The following RNASET2 variants were observed in gnomAD, a reference collection of about 807,000 sequenced individuals.
RNASET2 encodes ribonuclease 6.
A neutral mutation model predicts 33.9 loss-of-function variants in RNASET2; 28 were observed. The observed-to-expected ratio is 0.83, with a 90% confidence interval of 0.61 to 1.13. The LOEUF (loss-of-function observed/expected upper bound fraction) is 1.13, where lower values mean the gene tolerates loss of function less well. RNASET2 is among the 50% of genes most tolerant of loss of function. The pLI is 0.00. For missense variants in RNASET2, 330 were observed against 319.9 expected (o/e 1.03, Z -0.24); for synonymous variants, 123 against 121.0 (o/e 1.02, Z -0.11).
In RNASET2 at chr6:166,950,689, G is replaced by A. The variant is rs556506245; in HGVS notation, c.147+1799C>T. Among the ~76,000 whole-genome samples, 204 of 152,336 alleles carry A rather than the reference G, an allele frequency of 1.3e-3. 3 individuals are homozygous for A. Among genetic ancestry groups the A allele is most frequent in the Non-Finnish European group, 1.9e-4 (13 of 68,042 alleles). ...GTGTCCTGGCTCTGGGTGCTCCAAT[G>A]AGAAGGGCCTGGACACTGACGCACT... is the stretch of plus-strand genomic sequence containing the variant. On this transcript the variant is annotated intron_variant, in intron 2 of 8. Transcript: ENST00000508775.
intron 4 of RNASET2, among the ~76,000 whole-genome samples, chr6:166,944,627 C>T (rs931167048): frequency 6.6e-6 from 1 of 152,076 alleles, no homozygotes; most frequent in Non-Finnish European, 1.5e-5. Context: ...ACAAGGAAGC[C>T]AGGACTACTC....
chr6:166,929,466 T>C lies in RNASET2; in HGVS notation c.*122A>G. The stretch of plus-strand genomic sequence containing the variant: ...ACTCTACAGGGACCACAACATCCAA[T>C]TCACAGGCATGGAGGGGAAACAGCA... On this transcript the variant is annotated 3_prime_UTR_variant, in exon 9 of 9. Coordinates refer to ENST00000508775, the MANE Select transcript of RNASET2 (RefSeq NM_003730.6). 1 of 1,034,926 alleles carries C rather than the reference T, an allele frequency of 9.7e-7. No individual in the cohort carries two copies. Among genetic ancestry groups the C allele is most frequent in the South Asian group, 1.3e-5 (1 of 75,178 alleles). The allele number at this position is 1,034,926 out of a possible 1,614,324, so 64.1% of individuals were successfully genotyped here.
intron 6 of RNASET2, among the ~76,000 whole-genome samples, chr6:166,936,295 A>G (rs979225480): frequency 6.6e-6 from 1 of 152,114 alleles, no homozygotes; most frequent in Non-Finnish European, 1.5e-5. Context: ...GCAGGGCAGC[A>G]CTGGGCTCTG....
At chr6:166,943,949 G>C (rs9457246) in intron 4 of RNASET2, 22 of 259,874 alleles carry the variant, frequency 8.5e-5, no homozygotes, top group Admixed American at 6.7e-4. Flanking sequence ...GTGAAACCCT[G>C]TCTCTACTAA....
intron 4 of RNASET2, among the ~76,000 whole-genome samples, chr6:166,944,349 C>T (rs1372489982): frequency 6.6e-6 from 1 of 152,076 alleles, no homozygotes; most frequent in East Asian, 1.9e-4. Flanking sequence ...CACTTTCCTT[C>T]CCTTTCTCCT....
rs910396649 is a variant in RNASET2 at position 166,924,157 on chromosome 6, T to C, written c.*5431A>G. 2.0e-5 allele frequency among the ~76,000 whole-genome samples: 3 copies of C among 152,118 alleles called. No individual in the cohort carries two copies. The highest frequency in any genetic ancestry group is 4.4e-5 in the Non-Finnish European group (3 of 68,018). ...TGTCATCCAGACTGGAGTGCAATGGTGTGATTTCGGCTCACTGCAACCTCT... is the reference window on the plus strand; with the variant it reads ...TGTCATCCAGACTGGAGTGCAATGGCGTGATTTCGGCTCACTGCAACCTCT... On this transcript the variant is annotated 3_prime_UTR_variant, in exon 9 of 9. Transcript: ENST00000508775.
intron 5 of RNASET2, among the ~76,000 whole-genome samples, chr6:166,940,963 G>A (rs1778679317): frequency 6.6e-6 from 1 of 152,156 alleles, no homozygotes; most frequent in South Asian, 2.1e-4. Context: ...CAGCAGTGCT[G>A]TGACACCTTC....
Position 166,949,758 on chromosome 6 carries a change from C to A in RNASET2, c.148-1133G>T, listed in dbSNP as rs893143495. On this transcript the variant is annotated intron_variant, in intron 2 of 8. Transcript: ENST00000508775. The stretch of plus-strand genomic sequence containing the variant: ...CCTTTCCTGGAGGCAATGCAGAGAG[C>A]AAAGCCTGCACCACACGGGGCTCTG... Among the ~76,000 whole-genome samples, 3 of 152,306 alleles carry A rather than the reference C, an allele frequency of 2.0e-5. No individual in the cohort carries two copies. In the South Asian group the frequency reaches 6.2e-4, roughly 32 times the overall value.
intron 2 of RNASET2, among the ~76,000 whole-genome samples, chr6:166,951,206 C>T (rs1332470387): frequency 6.6e-6 from 1 of 152,214 alleles, no homozygotes. Context: ...GCCATTATTT[C>T]TTCTATGCAT....
Position 166,934,384 on chromosome 6 carries a change from G to A in RNASET2, c.447-248C>T, listed in dbSNP as rs115770362. The stretch of plus-strand genomic sequence containing the variant: ...ACCCTTTCCAGTTCCTGACTCCTTC[G>A]GAGCATGGGAGCGCTGGGGCCACCA... On this transcript the variant is annotated intron_variant, in intron 6 of 8. Transcript: ENST00000508775. The A allele has an allele frequency of 9.7e-4, 486 of 499,142 alleles. 3 individuals are homozygous for A. The highest frequency in any genetic ancestry group is 8.3e-3 in the African/African-American group (430 of 51,642). 30.9% of individuals were successfully genotyped at this position (499,142 alleles called of 1,614,324 possible).
In RNASET2 at chr6:166,929,649, C is replaced by G. The variant is rs1340354301; in HGVS notation, c.710G>C (p.Gly237Ala). ...TGGGCCATCTTCACAGACTCTCAGA[C>G]CCCGGCTCTCGGCGGCCCCATTTGC... is the stretch of plus-strand genomic sequence containing the variant. ...WLANGAAESR[G>A]LRVCEDGPVF... Residue 237 changes from glycine to alanine, a missense_variant, in exon 9 of 9, where the codon GGT (glycine) becomes GCT (alanine). Coordinates refer to ENST00000508775, the MANE Select transcript of RNASET2 (RefSeq NM_003730.6). 4.3e-6 allele frequency: 7 copies of G among 1,614,122 alleles called. No homozygotes were observed. Among genetic ancestry groups the G allele is most frequent in the Non-Finnish European group, 5.1e-6 (6 of 1,180,014 alleles).
intron 2 of RNASET2, among the ~76,000 whole-genome samples, chr6:166,949,500 C>CAAAAAAAAA (rs61621125): frequency 4.2e-3 from 186 of 44,046 alleles, no homozygotes; most frequent in South Asian, 5.8e-3. Flanking sequence ...GACTCCATCT[C>CAAAAAAAAA]AAAAAAAAAA....
At chr6:166,935,977 C>T (rs942005900) in intron 6 of RNASET2, among the ~76,000 whole-genome samples, 1 of 152,036 alleles carries the variant, frequency 6.6e-6, no homozygotes, top group African/African-American at 2.4e-5. Flanking sequence ...CCAGCCTGTT[C>T]CAGTTTATGA....
chr6:166,948,348 A>G (rs1392133065), intron 3 of RNASET2: 9 of 213,148 alleles, frequency 4.2e-5, no homozygotes, highest in South Asian at 6.1e-5. Context: ...TCTGTCTCAG[A>G]AAAAAAAAAA....
intron 1 of RNASET2, among the ~76,000 whole-genome samples, chr6:166,954,006 G>A (rs545792609): frequency 1.2e-4 from 18 of 152,142 alleles, no homozygotes; most frequent in African/African-American, 4.3e-4. Context: ...CAACACCCAG[G>A]AAGATGAGAC....
chr6:166,948,512 T>C (rs777800072), intron 3 of RNASET2, 58 bp downstream of exon 3: 2 of 1,018,202 alleles, frequency 2.0e-6, no homozygotes, highest in East Asian at 2.4e-5. Flanking sequence ...ACATTCAAGC[T>C]AGGGTTCCCA....
Position 166,929,767 on chromosome 6 carries a change from G to C in RNASET2, c.592C>G (p.Gln198Glu). The change falls in exon 9 of 9, where the codon CAG (glutamine) becomes GAG (glutamate). Residue 198 changes from glutamine (Q) to glutamate (E), a missense_variant. Physicochemically the swap from Gln to Glu is conservative, Grantham distance 29. Coordinates refer to ENST00000508775, the MANE Select transcript of RNASET2 (RefSeq NM_003730.6). ...SQDEEVQTIG[Q>E]IELCLTKQDQ... Reference sequence around the variant, plus strand: ...TGCTTAGTGAGGCACAGTTCTATCTGACCAATTGTCTGTACTTCCTCATCC... The same window carrying C: ...TGCTTAGTGAGGCACAGTTCTATCTCACCAATTGTCTGTACTTCCTCATCC... 2 of 1,614,006 alleles carry C rather than the reference G, an allele frequency of 1.2e-6. No homozygotes were observed. The highest frequency in any genetic ancestry group is 1.7e-6 in the Non-Finnish European group (2 of 1,179,964).
chr6:166,939,045 T>C, intron 5 of RNASET2, 37 bp from the exon 6 acceptor site: 2 of 1,475,110 alleles, frequency 1.4e-6, no homozygotes, highest in Non-Finnish European at 1.9e-6. Context: ...TTAAAAGTAG[T>C]GAAACAGGCT....
rs1246095759 is a variant in RNASET2, at chr6:166,923,678, C to CA, written c.*5909dup. 6.6e-6 allele frequency among the ~76,000 whole-genome samples: 1 copy of CA among 152,122 alleles called. No homozygotes were observed. Among genetic ancestry groups the CA allele is most frequent in the Non-Finnish European group, 1.5e-5 (1 of 68,006 alleles). The stretch of plus-strand genomic sequence containing the variant: ...TAAAACTGCATTTCTCATCATCTGT[C>CA]AGAGATTTTGCTTCAGATAAGAAAA... On this transcript the variant is annotated 3_prime_UTR_variant, in exon 9 of 9. Coordinates refer to ENST00000508775, the MANE Select transcript of RNASET2 (RefSeq NM_003730.6).
Sources: allele counts gnomAD v4.1 joint callset (sites outside exome capture counted in the v4.1 genomes callset), GRCh38; gene constraint gnomAD v4.1.1; transcripts MANE v1.5; gene names NCBI Gene and HGNC (gene_info 2026-07-23, HGNC 2026-07-21).